The following RAB3C variants were observed in gnomAD, a reference collection of about 807,000 sequenced individuals.
RAB3C encodes ras-related protein Rab-3C.
A neutral mutation model predicts 26.4 loss-of-function variants in RAB3C; 17 were observed. The observed-to-expected ratio is 0.64, with a 90% CI of 0.44 to 0.97. The LOEUF is 0.97. Ranked by LOEUF, RAB3C falls within the 50% of genes least tolerant of loss-of-function variation. RAB3C has a pLI of 0.00. For synonymous variants in RAB3C, 91 were observed against 95.9 expected, an observed-to-expected ratio of 0.95 and a Z score of 0.30; for missense variants, 242 against 281.9, an observed-to-expected ratio of 0.86 and a Z score of 1.01.
chr5:58,629,143 G>A (rs1293686942), intron 2 of RAB3C, among the ~76,000 whole-genome samples: 1 of 150,064 alleles, frequency 6.7e-6, no homozygotes, highest in African/African-American at 2.5e-5. Flanking sequence ...TCACTCTTTT[G>A]GTAATCTGGC....
At chr5:58,683,407 T>C (rs56361717) in intron 2 of RAB3C, among the ~76,000 whole-genome samples, 68 of 152,252 alleles carry the variant, frequency 4.5e-4, no homozygotes, top group South Asian at 1.7e-3. Context: ...CCACTTAGAA[T>C]TGTACATGGA....
intron 2 of RAB3C, among the ~76,000 whole-genome samples, chr5:58,702,529 C>A (rs1322147565): frequency 1.3e-5 from 2 of 152,102 alleles, no homozygotes; most frequent in Non-Finnish European, 2.9e-5. Context: ...CCCGTATTGT[C>A]TCTGTTATAG....
chr5:58,729,884 C>T (rs1740974349), intron 3 of RAB3C, among the ~76,000 whole-genome samples: 1 of 145,910 alleles, frequency 6.9e-6, no homozygotes, highest in Admixed American at 6.9e-5. Flanking sequence ...TATATATACA[C>T]ATATACATAT....
At chr5:58,850,585 T>C (rs989315620) in intron 4 of RAB3C, among the ~76,000 whole-genome samples, 5 of 152,240 alleles carry the variant, frequency 3.3e-5, no homozygotes, top group African/African-American at 4.8e-5. Context: ...AAGTTAGAGC[T>C]GGATTATATT....
intron 2 of RAB3C, among the ~76,000 whole-genome samples, chr5:58,713,493 G>A (rs1364788308): frequency 1.3e-5 from 2 of 152,144 alleles, no homozygotes; most frequent in Non-Finnish European, 2.9e-5. Context: ...TAGTTAACTA[G>A]AGAAAGCTGG....
chr5:58,782,166 A>C (rs1742285628), intron 3 of RAB3C, among the ~76,000 whole-genome samples: 1 of 152,116 alleles, frequency 6.6e-6, no homozygotes, highest in Non-Finnish European at 1.5e-5. Flanking sequence ...TGAATGAATG[A>C]ATGGGAAGCG....
At chr5:58,688,984 A>T (rs1260214910) in intron 2 of RAB3C, among the ~76,000 whole-genome samples, 2 of 152,052 alleles carry the variant, frequency 1.3e-5, no homozygotes, top group East Asian at 3.9e-4. Flanking sequence ...ACATTTGTTG[A>T]CCTTTTACTC....
At chr5:58,630,232 A>G (rs975276354) in intron 2 of RAB3C, among the ~76,000 whole-genome samples, 5 of 152,232 alleles carry the variant, frequency 3.3e-5, no homozygotes, top group East Asian at 1.9e-4. Context: ...CAGGCAAAAT[A>G]TATTTGGCTT....
intron 2 of RAB3C, among the ~76,000 whole-genome samples, chr5:58,684,327 A>G (rs1460747437): frequency 6.6e-6 from 1 of 152,206 alleles, no homozygotes; most frequent in East Asian, 1.9e-4. Context: ...TAAACATGCA[A>G]CTCTGTTTCT....
At chr5:58,815,550 G>A (rs534066186) in intron 3 of RAB3C, among the ~76,000 whole-genome samples, 1 of 152,284 alleles carries the variant, frequency 6.6e-6, no homozygotes, top group African/African-American at 2.4e-5. Flanking sequence ...CAGTGTCAGG[G>A]TATAAAAGGT....
intron 2 of RAB3C, among the ~76,000 whole-genome samples, chr5:58,723,680 A>T (rs1740822338): frequency 6.6e-6 from 1 of 151,732 alleles, no homozygotes; most frequent in Non-Finnish European, 1.5e-5. Flanking sequence ...ACCTTATGAG[A>T]CGTTAATTTC....
At chr5:58,631,308 G>A (rs543188891) in intron 2 of RAB3C, among the ~76,000 whole-genome samples, 142 of 152,256 alleles carry the variant, frequency 9.3e-4, no homozygotes, top group African/African-American at 3.3e-3. Context: ...CAACTGAGTG[G>A]AGAAGCCATT....
intron 3 of RAB3C, among the ~76,000 whole-genome samples, chr5:58,813,192 C>T (rs1351583196): frequency 1.3e-5 from 2 of 152,150 alleles, no homozygotes; most frequent in East Asian, 3.9e-4. Context: ...AGGTAAAGCA[C>T]TCAGCATAGG....
chr5:58,698,654 T>C (rs158985), intron 2 of RAB3C, among the ~76,000 whole-genome samples: 81,451 of 151,944 alleles, frequency 0.54, 22,086 homozygotes, highest in Non-Finnish European at 0.59. Flanking sequence ...AACTTCTCTT[T>C]TCACTTTATT....
chr5:58,707,250 A>G (rs1232381852), intron 2 of RAB3C, among the ~76,000 whole-genome samples: 1 of 152,244 alleles, frequency 6.6e-6, no homozygotes, highest in Non-Finnish European at 1.5e-5. Flanking sequence ...AAGGACATCC[A>G]AAAATTAGAT....
intron 1 of RAB3C, among the ~76,000 whole-genome samples, chr5:58,596,574 TATA>T (rs1336450695): frequency 8.0e-6 from 1 of 124,870 alleles, no homozygotes; most frequent in Non-Finnish European, 1.6e-5. Context: ...TATATAAATA[TATA>T]ATACTATATA....
intron 1 of RAB3C, among the ~76,000 whole-genome samples, chr5:58,595,752 A>G (rs1173871144): frequency 2.0e-5 from 3 of 152,154 alleles, no homozygotes; most frequent in East Asian, 1.9e-4. Flanking sequence ...ATAAAAATGT[A>G]TCCAACTGGA....
chr5:58,655,564 T>G (rs1182475146), intron 2 of RAB3C, among the ~76,000 whole-genome samples: 1 of 152,140 alleles, frequency 6.6e-6, no homozygotes, highest in Non-Finnish European at 1.5e-5. Flanking sequence ...AGAGTAAAAC[T>G]AATGACTGCA....
chr5:58,811,709 T>C (rs1743095357), intron 3 of RAB3C, among the ~76,000 whole-genome samples: 1 of 151,266 alleles, frequency 6.6e-6, no homozygotes, highest in Non-Finnish European at 1.5e-5. Flanking sequence ...ACCCCCTTTC[T>C]CTCACTTTGC....
Sources: gnomAD v4.1 joint callset for allele counts (sites outside exome capture counted in the v4.1 genomes callset) on GRCh38, gnomAD v4.1.1 for gene constraint, MANE v1.5 for transcripts, NCBI Gene and HGNC (gene_info 2026-07-23, HGNC 2026-07-21) for gene names.